Variants in ESR1 observed in about 807,000 individuals in gnomAD.
ESR1 encodes the protein estrogen receptor.
ESR1 carries 12 observed loss-of-function variants against 52.7 expected under a neutral mutation model. The ratio of observed to expected loss-of-function variants is 0.23; its 90% CI spans 0.15 to 0.37. The LOEUF is 0.37. ESR1 is among the 10% of genes least tolerant of loss of function. The probability of loss-of-function intolerance (pLI) is 1.00; values close to 1 mark genes in which losing one functional copy is unlikely to be tolerated. For synonymous variants in ESR1, 305 were observed against 316.8 expected, an observed-to-expected ratio of 0.96 and a Z score of 0.39; for missense variants, 584 against 779.7, an observed-to-expected ratio of 0.75 and a Z score of 2.99.
At chr6:151,705,462 AAAG>A (rs1302734943) in intron 2 of ESR1, among the ~76,000 whole-genome samples, 9 of 152,340 alleles carry the variant, frequency 5.9e-5, no homozygotes, top group African/African-American at 2.2e-4. Flanking sequence ...GAAAAGATGG[AAAG>A]AAGATGACTC....
At chr6:151,978,018 A>G (rs375045432) in intron 4 of ESR1, among the ~76,000 whole-genome samples, 194 of 151,564 alleles carry the variant, frequency 1.3e-3, no homozygotes, top group African/African-American at 4.3e-3. Flanking sequence ...ACTCATACCT[A>G]CAAAACTTAA....
chr6:152,046,507 T>C (rs1205868229), intron 5 of ESR1, among the ~76,000 whole-genome samples: 1 of 152,194 alleles, frequency 6.6e-6, no homozygotes, highest in Non-Finnish European at 1.5e-5. Context: ...TGGTTACATA[T>C]TGACTGTATT....
chr6:152,067,137 A>G (rs1054270627), intron 6 of ESR1, among the ~76,000 whole-genome samples: 1 of 152,208 alleles, frequency 6.6e-6, no homozygotes, highest in African/African-American at 2.4e-5. Flanking sequence ...AGGTTAAAAG[A>G]TTGCATTCCC....
At chr6:151,782,422 T>G (rs1166837228) in intron 2 of ESR1, among the ~76,000 whole-genome samples, 1 of 152,248 alleles carries the variant, frequency 6.6e-6, no homozygotes, top group Admixed American at 6.5e-5. Flanking sequence ...AAAGATTTAT[T>G]TAACCCTTTC....
At chr6:152,034,723 C>A (rs1442366568) in intron 5 of ESR1, among the ~76,000 whole-genome samples, 1 of 152,118 alleles carries the variant, frequency 6.6e-6, no homozygotes, top group South Asian at 2.1e-4. Context: ...GCTTTGTGGA[C>A]AGAAGTGCCA....
intron 5 of ESR1, among the ~76,000 whole-genome samples, chr6:152,031,201 T>C (rs1005023206): frequency 6.6e-6 from 1 of 152,094 alleles, no homozygotes; most frequent in African/African-American, 2.4e-5. Flanking sequence ...GATCTAAAAT[T>C]GACACCCTAA....
chr6:152,045,202 G>T (rs1358059135), intron 5 of ESR1, among the ~76,000 whole-genome samples: 1 of 152,204 alleles, frequency 6.6e-6, no homozygotes, highest in Non-Finnish European at 1.5e-5. Flanking sequence ...CACTACAGGG[G>T]CATGGGAAGA....
At chr6:151,952,888 AT>A (rs2036476161) in intron 4 of ESR1, among the ~76,000 whole-genome samples, 1 of 152,264 alleles carries the variant, frequency 6.6e-6, no homozygotes, top group African/African-American at 2.4e-5. Context: ...TGCAAAATAA[AT>A]TTAAATTAAA....
intron 6 of ESR1, among the ~76,000 whole-genome samples, chr6:152,063,539 C>T (rs542556026): frequency 7.2e-5 from 11 of 152,320 alleles, no homozygotes; most frequent in South Asian, 6.2e-4. Context: ...GACTGACACA[C>T]AATGTTGTAG....
At chr6:151,726,998 A>G (rs1370795542) in intron 2 of ESR1, among the ~76,000 whole-genome samples, 1 of 152,304 alleles carries the variant, frequency 6.6e-6, no homozygotes, top group East Asian at 1.9e-4. Context: ...AGATTTCTGT[A>G]GAACCATTTA....
chr6:152,080,622 C>CA (rs778977987), intron 6 of ESR1, among the ~76,000 whole-genome samples: 2 of 152,150 alleles, frequency 1.3e-5, no homozygotes, highest in African/African-American at 2.4e-5. Context: ...CAGCTAACAT[C>CA]AGAATGACAG....
upstream of ESR1, among the ~76,000 whole-genome samples, chr6:151,685,970 C>G (rs1339068883): frequency 6.6e-6 from 1 of 151,816 alleles, no homozygotes; most frequent in Non-Finnish European, 1.5e-5. Flanking sequence ...GCGGCACGAA[C>G]GTGGCTCACT....
At chr6:151,756,034 C>A (rs1284087497) in intron 2 of ESR1, among the ~76,000 whole-genome samples, 5 of 152,160 alleles carry the variant, frequency 3.3e-5, no homozygotes, top group Non-Finnish European at 7.3e-5. Flanking sequence ...TTTGCTACCC[C>A]TTGAGTGCAT....
chr6:151,925,076 A>G (rs993082709), intron 3 of ESR1, among the ~76,000 whole-genome samples: 1 of 151,978 alleles, frequency 6.6e-6, no homozygotes, highest in African/African-American at 2.4e-5. Context: ...CACTCCCACC[A>G]GCAGTGTATA....
chr6:151,972,787 A>G (rs952996676), intron 4 of ESR1, among the ~76,000 whole-genome samples: 1 of 152,160 alleles, frequency 6.6e-6, no homozygotes, highest in African/African-American at 2.4e-5. Context: ...GCCGTCTGCA[A>G]GCTGAAGAGC....
intron 2 of ESR1, among the ~76,000 whole-genome samples, chr6:151,732,722 T>C (rs1261742987): frequency 6.6e-6 from 1 of 152,166 alleles, no homozygotes; most frequent in Non-Finnish European, 1.5e-5. Flanking sequence ...GAGAGGCTAA[T>C]AGGGGATATA....
At chr6:151,867,995 A>T (rs1790249508) in intron 2 of ESR1, among the ~76,000 whole-genome samples, 1 of 152,210 alleles carries the variant, frequency 6.6e-6, no homozygotes, top group African/African-American at 2.4e-5. Flanking sequence ...GTACATATGC[A>T]GGTTTGTTAC....
exon 7 of ESR1, chr6:152,128,897 C>G (rs1270186117): frequency 1.3e-5 from 2 of 152,172 alleles, no homozygotes; most frequent in African/African-American, 2.4e-5. Flanking sequence ...CCGACGGTAA[C>G]GAAGCCCAAG....
At chr6:151,867,730 A>G (rs1304503069) in intron 2 of ESR1, among the ~76,000 whole-genome samples, 7 of 152,196 alleles carry the variant, frequency 4.6e-5, no homozygotes. Flanking sequence ...CCATTGTGGA[A>G]GACAGTGTGG....
Sources: gnomAD v4.1 joint callset for allele counts (sites outside exome capture counted in the v4.1 genomes callset) on GRCh38, gnomAD v4.1.1 for gene constraint, MANE v1.5 for transcripts, NCBI Gene and HGNC (gene_info 2026-07-23, HGNC 2026-07-21) for gene names.